RBFOX1: variants seen among roughly 807,000 people sequenced by gnomAD.
RBFOX1 encodes the protein RNA binding fox-1 homolog 1, also known as RNA binding protein fox-1 homolog 1.
RBFOX1 carries 8 observed loss-of-function variants against 57.7 expected under a neutral mutation model. The ratio of observed to expected loss-of-function variants is 0.14; its 90% CI spans 0.08 to 0.25. The LOEUF (loss-of-function observed/expected upper bound fraction) is 0.25. Ranked by LOEUF, RBFOX1 falls within the 10% of genes least tolerant of loss-of-function variation. The pLI, the probability that RBFOX1 is intolerant of heterozygous loss-of-function variation, is 1.00. For missense variants in RBFOX1, 611 were observed against 548.5 expected (o/e 1.11, Z -1.14); for synonymous variants, 326 against 222.4 (o/e 1.47, Z -4.15).
intron 3 of RBFOX1, among the ~76,000 whole-genome samples, chr16:5,730,181 C>T (rs1407289685): frequency 2.0e-5 from 3 of 152,154 alleles, no homozygotes; most frequent in African/African-American, 7.2e-5. Flanking sequence ...ATTGAATTAG[C>T]CAGATCACCA....
At chr16:7,427,691 C>G (rs1000266163) in intron 4 of RBFOX1, among the ~76,000 whole-genome samples, 6 of 151,356 alleles carry the variant, frequency 4.0e-5, no homozygotes, top group Non-Finnish European at 8.8e-5. Flanking sequence ...GTTTCCCAGG[C>G]TAGAGTGCAT....
rs75897960 is a variant in RBFOX1, at chr16:6,741,333, A to T, written c.-16+86683A>T. ...ACTTAGAGCTCGGTGACATGCCACC[A>T]AGGGTCTATAAAAGAAAAAAATGAT... On this transcript the variant is annotated intron_variant, in intron 3 of 15. Coordinates refer to ENST00000550418, the MANE Select transcript of RBFOX1 (RefSeq NM_018723.4). Among the ~76,000 whole-genome samples the T allele has an allele frequency of 6.6e-4, 101 of 152,278 alleles. No individual in the cohort carries two copies. The East Asian group carries it at 0.015, about 23-fold the overall frequency.
At chr16:7,468,285 G>A (rs1330255456) in intron 4 of RBFOX1, among the ~76,000 whole-genome samples, 8 of 152,096 alleles carry the variant, frequency 5.3e-5, no homozygotes, top group Non-Finnish European at 1.0e-4. Flanking sequence ...GTATGCTCTG[G>A]CACCTTATCA....
chr16:6,997,038 G>T (rs750044341), intron 3 of RBFOX1, among the ~76,000 whole-genome samples: 3 of 152,056 alleles, frequency 2.0e-5, no homozygotes, highest in Non-Finnish European at 4.4e-5. Context: ...TTATATGCAC[G>T]TATTTATAAG....
chr16:7,170,047 C>T (rs530998087), intron 4 of RBFOX1, among the ~76,000 whole-genome samples: 1 of 152,112 alleles, frequency 6.6e-6, no homozygotes, highest in South Asian at 2.1e-4. Context: ...GCACTCTAGC[C>T]TAGGTGATAG....
At chr16:7,607,227 A>C in intron 9 of RBFOX1, 58 bp from the exon 10 acceptor site, 3 of 1,458,996 alleles carry the variant, frequency 2.1e-6, no homozygotes. Context: ...ATTCATTTGC[A>C]ATTATATAAG....
chr16:7,350,946 G>C (rs1031422921), intron 4 of RBFOX1, among the ~76,000 whole-genome samples: 4 of 152,206 alleles, frequency 2.6e-5, no homozygotes, highest in African/African-American at 7.2e-5. Flanking sequence ...ACCTGCCTGA[G>C]CATGGAAGAT....
At chr16:6,776,546 CAA>C (rs199640581) in intron 3 of RBFOX1, among the ~76,000 whole-genome samples, 1,897 of 152,298 alleles carry the variant, frequency 0.012, 24 homozygotes, top group Non-Finnish European at 0.018. Flanking sequence ...AGAGCTTGAT[CAA>C]GTCTCATCCA....
chr16:7,248,961 C>A (rs2153007865), intron 4 of RBFOX1, among the ~76,000 whole-genome samples: 1 of 152,210 alleles, frequency 6.6e-6, no homozygotes, highest in African/African-American at 2.4e-5. Context: ...AGGAGAGGTC[C>A]CTTTGTCTGT....
chr16:6,738,028 C>T (rs925933385), intron 3 of RBFOX1, among the ~76,000 whole-genome samples: 2 of 141,660 alleles, frequency 1.4e-5, no homozygotes, highest in African/African-American at 5.2e-5. Context: ...GTGTCTGCAA[C>T]AGAAAACAAA....
intron 4 of RBFOX1, among the ~76,000 whole-genome samples, chr16:6,009,691 C>A (rs574421057): frequency 6.6e-6 from 1 of 152,090 alleles, no homozygotes; most frequent in South Asian, 2.1e-4. Flanking sequence ...ACGTTAAATC[C>A]CTCCTCCCCC....
intron 3 of RBFOX1, among the ~76,000 whole-genome samples, chr16:6,746,309 A>C (rs939468092): frequency 6.6e-6 from 1 of 152,244 alleles, no homozygotes; most frequent in African/African-American, 2.4e-5. Context: ...AATGGCCAAA[A>C]TATCTTTGAA....
At chr16:7,372,260 C>T (rs772980330) in intron 4 of RBFOX1, among the ~76,000 whole-genome samples, 3 of 152,126 alleles carry the variant, frequency 2.0e-5, no homozygotes, top group Non-Finnish European at 4.4e-5. Flanking sequence ...GGATGAGTAA[C>T]CACTTCATAC....
At position 6,106,511 on chromosome 16, in the gene RBFOX1, A is replaced by G. The variant is rs2096381518; in HGVS notation, c.-127+86519A>G. Among the ~76,000 whole-genome samples the G allele has an allele frequency of 2.0e-5, 3 of 151,856 alleles. No individual in the cohort carries two copies. In the South Asian group the frequency reaches 6.3e-4, roughly 32 times the overall value. ...GGTAGTTCCATGCTCTTATAAATAA[A>G]GAATAGTACTGCGTTAGCACATAAA... On this transcript the variant is annotated intron_variant, in intron 1 of 15. Coordinates refer to ENST00000550418, the MANE Select transcript of RBFOX1 (RefSeq NM_018723.4).
intron 4 of RBFOX1, among the ~76,000 whole-genome samples, chr16:5,941,789 A>G (rs1324540018): frequency 6.6e-6 from 1 of 151,966 alleles, no homozygotes; most frequent in Non-Finnish European, 1.5e-5. Flanking sequence ...ATAGCTTCTC[A>G]CTGGGTCTCA....
chr16:6,705,703 T>A (rs548980028), intron 3 of RBFOX1: 16 of 152,172 alleles, frequency 1.1e-4, no homozygotes, highest in Admixed American at 7.9e-4. Flanking sequence ...GTCTTATAAA[T>A]GAGAAATAAA....
At chr16:7,390,840 T>G (rs1222171200) in intron 4 of RBFOX1, among the ~76,000 whole-genome samples, 1 of 152,160 alleles carries the variant, frequency 6.6e-6, no homozygotes, top group Non-Finnish European at 1.5e-5. Context: ...ACAATCGAGT[T>G]GTTTGCTGTG....
intron 3 of RBFOX1, among the ~76,000 whole-genome samples, chr16:5,692,356 T>C (rs947552254): frequency 6.6e-6 from 1 of 152,124 alleles, no homozygotes; most frequent in African/African-American, 2.4e-5. Context: ...GAGTGGTCTC[T>C]GGCCAGTAGC....
chr16:5,554,160 G>A (rs1241249842), intron 2 of RBFOX1, among the ~76,000 whole-genome samples: 1 of 151,860 alleles, frequency 6.6e-6, no homozygotes, highest in Non-Finnish European at 1.5e-5. Flanking sequence ...TAGTAGAGAT[G>A]AGGTTTTACC....
Sources: gnomAD v4.1 joint callset for allele counts (sites outside exome capture counted in the v4.1 genomes callset) on GRCh38, gnomAD v4.1.1 for gene constraint, MANE v1.5 for transcripts, NCBI Gene and HGNC (gene_info 2026-07-23, HGNC 2026-07-21) for gene names.